ICE2: variants seen among roughly 807,000 people sequenced by gnomAD.
ICE2 encodes interactor of little elongation complex ELL subunit 2.
In ICE2, 87 loss-of-function variants were observed where a neutral mutation model predicts 105.4. The observed-to-expected ratio is 0.83, with a 90% confidence interval of 0.69 to 0.99. ICE2 has a LOEUF of 0.99. Ranked by LOEUF, ICE2 falls within the 50% of genes least tolerant of loss-of-function variation. The probability of loss-of-function intolerance (pLI) is 0.00; values close to 1 mark genes in which losing one functional copy is unlikely to be tolerated. For synonymous variants in ICE2, 399 were observed against 392.0 expected, an observed-to-expected ratio of 1.02 and a Z score of -0.21; for missense variants, 1,323 against 1,146.7, an observed-to-expected ratio of 1.15 and a Z score of -2.22.
rs758768874 is a variant in ICE2, at chr15:60,456,641, T to A, written c.666+16A>T. On this transcript the variant is annotated intron_variant, in intron 6 of 15. Transcript: ENST00000261520. Reference sequence around the variant, plus strand: ...CAGACAAAAAAAAGCTTATATCGTCTGATAATAAACCTTACCAATGCGAGA... The same window carrying A: ...CAGACAAAAAAAAGCTTATATCGTCAGATAATAAACCTTACCAATGCGAGA... 6.5e-7 allele frequency: 1 copy of A among 1,533,532 alleles called. No individual in the cohort carries two copies. Among genetic ancestry groups the A allele is most frequent in the Middle Eastern group, 2.3e-4 (1 of 4,362 alleles). The allele number at this position is 1,533,532 out of a possible 1,614,324, so 95.0% of individuals were successfully genotyped here.
Position 60,448,079 on chromosome 15 carries a change from T to C in ICE2, c.2186A>G (p.Asn729Ser), listed in dbSNP as rs1036225906. 1 of 1,613,452 alleles carries C rather than the reference T, an allele frequency of 6.2e-7. No homozygotes were observed. The highest frequency in any genetic ancestry group is 1.3e-5 in the African/African-American group (1 of 74,904). Residue 729 changes from asparagine (N) to serine (S), a missense_variant, in exon 11 of 16, where the codon AAT becomes AGT. By Grantham distance (46) the Asn-to-Ser change is conservative. Coordinates refer to ENST00000261520, the MANE Select transcript of ICE2 (RefSeq NM_024611.6). Reference sequence around the variant, plus strand: ...CAGGCTAAATAACTTATAAACAAAATTTCCTTCCTGAGGAGCTAGGTATTC... The same window carrying C: ...CAGGCTAAATAACTTATAAACAAAACTTCCTTCCTGAGGAGCTAGGTATTC... ...TSEYLAPQEGNFVYKLFSLQD... is the reference protein window; with the variant it reads ...TSEYLAPQEGSFVYKLFSLQD...
At chr15:60,441,103 T>C (rs759377566) in intron 12 of ICE2, 20 of 152,194 alleles carry the variant, frequency 1.3e-4, no homozygotes, top group Non-Finnish European at 2.4e-4. Context: ...CTGGGCCTTT[T>C]CTAAAATGGA....
intron 1 of ICE2, 200 bp downstream of exon 1, chr15:60,478,803 C>T (rs1416043345): frequency 2.7e-6 from 1 of 369,340 alleles, no homozygotes; most frequent in Non-Finnish European, 5.5e-6. Context: ...GGAAAGGGGA[C>T]GCAAAGAGAG....
At chr15:60,425,697 T>C (rs1176546095) in intron 15 of ICE2, among the ~76,000 whole-genome samples, 4 of 152,198 alleles carry the variant, frequency 2.6e-5, no homozygotes, top group African/African-American at 4.8e-5. Context: ...CAGAAACGTT[T>C]GAACAAATTT....
rs937321897 is a variant in ICE2, at chr15:60,421,950, A to T, written c.*1684T>A. On this transcript the variant is annotated 3_prime_UTR_variant, in exon 16 of 16. Transcript: ENST00000261520. ...GTATTTTCAACTGTTACAATACTTG[A>T]GGAGATTTTTCGGTCTAATTTCTCA... 6.6e-6 allele frequency: 1 copy of T among 151,634 alleles called. No individual in the cohort carries two copies. Among genetic ancestry groups the T allele is most frequent in the Non-Finnish European group, 1.5e-5 (1 of 67,608 alleles). 9.4% of individuals were successfully genotyped at this position (151,634 alleles called of 1,614,324 possible).
chr15:60,459,725 T>C (rs2064220828), intron 5 of ICE2, among the ~76,000 whole-genome samples: 1 of 152,196 alleles, frequency 6.6e-6, no homozygotes, highest in African/African-American at 2.4e-5. Flanking sequence ...CAAAATGCTC[T>C]ATGATTTCTA....
chr15:60,455,444 TAA>T lies in ICE2; in HGVS notation c.667-4_667-3del. On this transcript the variant is annotated splice_region_variant and splice_polypyrimidine_tract_variant and intron_variant, in intron 6 of 15. Transcript: ENST00000261520. ...TGTTTTCACATATTTTACACTGCCC[TAA>T]ATATGAAAAAAAAATCATTTTATTG... 6.4e-7 allele frequency: 1 copy of T among 1,567,026 alleles called. No individual in the cohort carries two copies. The highest frequency in any genetic ancestry group is 8.7e-7 in the Non-Finnish European group (1 of 1,148,226).
At chr15:60,456,889 C>T (rs893751426) in intron 5 of ICE2, 95 bp from the exon 6 acceptor site, 1 of 592,780 alleles carries the variant, frequency 1.7e-6, no homozygotes, top group South Asian at 3.1e-5. Flanking sequence ...TTATTCATTG[C>T]AAAAATTAGC....
chr15:60,423,876 T>C, intron 15 of ICE2, 114 bp from the exon 16 acceptor site: 2 of 949,690 alleles, frequency 2.1e-6, no homozygotes, highest in East Asian at 3.2e-5. Flanking sequence ...AGCTCTTATA[T>C]ATTTTTCATC....
Position 60,419,701 on chromosome 15 carries a change from T to C in ICE2, c.*3933A>G, listed in dbSNP as rs1283314451. 1 of 148,340 alleles carries C rather than the reference T, an allele frequency of 6.7e-6. No individual in the cohort carries two copies. Among genetic ancestry groups the C allele is most frequent in the East Asian group, 1.9e-4 (1 of 5,186 alleles). 9.2% of individuals were successfully genotyped at this position (148,340 alleles called of 1,614,324 possible). ...AATACGTTAAGGTTTGATTAAAAAC[T>C]ACTACATACCAAACAAAAAAACAGA... is the stretch of plus-strand genomic sequence containing the variant. On this transcript the variant is annotated 3_prime_UTR_variant, in exon 16 of 16. Transcript: ENST00000261520.
chr15:60,461,116 C>T (rs944783755), intron 5 of ICE2, among the ~76,000 whole-genome samples: 23 of 150,348 alleles, frequency 1.5e-4, no homozygotes, highest in African/African-American at 2.9e-4. Flanking sequence ...GGTGGGGGGG[C>T]GAGTCAGGAA....
At chr15:60,443,783 T>C (rs940613679) in intron 11 of ICE2, among the ~76,000 whole-genome samples, 7 of 152,200 alleles carry the variant, frequency 4.6e-5, no homozygotes, top group African/African-American at 7.2e-5. Flanking sequence ...TCAGAGCAAA[T>C]AGGAGGTCGA....
At chr15:60,433,957 G>A (rs1438861908) in intron 13 of ICE2, among the ~76,000 whole-genome samples, 2 of 152,164 alleles carry the variant, frequency 1.3e-5, no homozygotes, top group East Asian at 3.8e-4. Flanking sequence ...CAAGCACAGA[G>A]TTCAAATTTA....
rs970078703 is a variant in ICE2 at position 60,421,508 on chromosome 15, C to A, written c.*2126G>T. ...AACTACCTTTATATATGATGTTATT[C>A]AAATACATGGATAAGATAACACATT... On this transcript the variant is annotated 3_prime_UTR_variant, in exon 16 of 16. Transcript: ENST00000261520. The A allele has an allele frequency of 6.6e-6, 1 of 152,088 alleles. No homozygotes were observed. The highest frequency in any genetic ancestry group is 2.4e-5 in the African/African-American group (1 of 41,402). The allele number at this position is 152,088 out of a possible 1,614,324, so 9.4% of individuals were successfully genotyped here.
intron 9 of ICE2, chr15:60,452,763 T>A (rs1314759762): frequency 1.7e-6 from 1 of 590,356 alleles, no homozygotes; most frequent in Non-Finnish European, 2.1e-6. Flanking sequence ...AACAATCCTA[T>A]GAGTTAGGTA....
rs752966102 is a variant in ICE2, at chr15:60,471,795, A to AC, written c.147-3474dup. Among the ~76,000 whole-genome samples the AC allele has an allele frequency of 6.9e-4, 104 of 150,866 alleles. 3 individuals are homozygous for AC. Among genetic ancestry groups the AC allele is most frequent in the Middle Eastern group, 3.4e-3 (1 of 294 alleles). ...CAAAGTTTCTATGGAAAAACAAAAA[A>AC]CAAAAAACAAACAGGGTAGAATCCA... On this transcript the variant is annotated intron_variant, in intron 3 of 15. Transcript: ENST00000261520.
intron 3 of ICE2, among the ~76,000 whole-genome samples, chr15:60,473,522 G>C (rs1004799475): frequency 6.6e-6 from 1 of 152,044 alleles, no homozygotes; most frequent in Non-Finnish European, 1.5e-5. Flanking sequence ...TGAACTCCTG[G>C]GCTCAAGTGA....
intron 13 of ICE2, among the ~76,000 whole-genome samples, chr15:60,434,444 T>C (rs2063534540): frequency 6.6e-6 from 1 of 151,776 alleles, no homozygotes; most frequent in African/African-American, 2.4e-5. Flanking sequence ...TATATTTAAT[T>C]TGGAGATGGA....
chr15:60,460,789 CTAGATATTCA>C (rs1056379754), intron 5 of ICE2, among the ~76,000 whole-genome samples: 5 of 152,230 alleles, frequency 3.3e-5, no homozygotes, highest in Non-Finnish European at 7.4e-5. Flanking sequence ...GCTAGAACAA[CTAGATATTCA>C]TAGATATTCA....
Sources: allele counts gnomAD v4.1 joint callset (sites outside exome capture counted in the v4.1 genomes callset), GRCh38; gene constraint gnomAD v4.1.1; transcripts MANE v1.5; gene names NCBI Gene and HGNC (gene_info 2026-07-23, HGNC 2026-07-21).